PLEKHG2: variants seen among roughly 807,000 people sequenced by gnomAD.
PLEKHG2 encodes pleckstrin homology and RhoGEF domain containing G2.
In PLEKHG2, 71 loss-of-function variants were observed where a neutral mutation model predicts 104.4. The ratio of observed to expected loss-of-function variants is 0.68; its 90% confidence interval spans 0.56 to 0.83. The LOEUF (loss-of-function observed/expected upper bound fraction) is 0.83. Ranked by LOEUF, PLEKHG2 falls within the 40% of genes least tolerant of loss-of-function variation. PLEKHG2 has a pLI of 0.00. For synonymous variants in PLEKHG2, 728 were observed against 737.0 expected (o/e 0.99, Z 0.20); for missense variants, 1,730 against 1,809.4 (o/e 0.96, Z 0.80).
At chr19:39,417,436 AGCCACTGC>A in intron 7 of PLEKHG2, 111 bp from the exon 8 acceptor site, 1 of 1,299,046 alleles carries the variant, frequency 7.7e-7, no homozygotes, top group South Asian at 1.5e-5. Flanking sequence ...TACAGACATG[AGCCACTGC>A]GCCTGGCCTC....
In PLEKHG2 at chr19:39,416,475, A is replaced by G; in HGVS notation, c.546+61A>G. ...GGGGCCTTTGTAGAGGGGGGAGAGC[A>G]GGCTTGGGCTAGGCTGGAAGGGGGG... is the stretch of plus-strand genomic sequence containing the variant. On this transcript the variant is annotated intron_variant, in intron 5 of 18. Transcript: ENST00000425673. This position sits in a 1 kb window ranked among gnomAD's most constrained non-coding sequence, Gnocchi z 4.5. 6.3e-7 allele frequency: 1 copy of G among 1,599,638 alleles called. No homozygotes were observed.
intron 8 of PLEKHG2, 71 bp from the exon 9 acceptor site, chr19:39,417,834 T>C: frequency 6.7e-7 from 1 of 1,498,630 alleles, no homozygotes; most frequent in Non-Finnish European, 8.9e-7. Flanking sequence ...CCCCCTGTTT[T>C]GGTGTGTATG....
chr19:39,420,052 T>C (rs938106050), intron 11 of PLEKHG2, among the ~76,000 whole-genome samples: 6 of 150,316 alleles, frequency 4.0e-5, no homozygotes, highest in African/African-American at 1.5e-4. Flanking sequence ...AAACTCCGTC[T>C]CAAAAAAATA....
intron 15 of PLEKHG2, 42 bp from the exon 16 acceptor site, chr19:39,421,241 A>G: frequency 1.2e-6 from 2 of 1,613,452 alleles, no homozygotes; most frequent in East Asian, 2.2e-5. Context: ...TTTCCCTTAC[A>G]TCTCACTAAT....
chr19:39,422,632 G>A lies in PLEKHG2; in HGVS notation c.1678-100G>A, dbSNP rs181815444. On this transcript the variant is annotated intron_variant, in intron 17 of 18. Coordinates refer to ENST00000425673, the MANE Select transcript of PLEKHG2 (RefSeq NM_022835.3). ...TCGAACTCGTAACCTCAAGTGACCC[G>A]CCCACTTCAGCCTCCCAAAGTGCTG... 28 of 1,410,602 alleles carry A rather than the reference G, an allele frequency of 2.0e-5. No homozygotes were observed. The East Asian group carries it at 4.7e-4, about 24-fold the overall frequency. The allele number at this position is 1,410,602 out of a possible 1,614,324, so 87.4% of individuals were successfully genotyped here. A position where few individuals can be genotyped will look rare whatever the true frequency, so the allele number is the denominator to read the frequency against.
Position 39,425,337 on chromosome 19 carries a change from T to A in PLEKHG2, c.*43T>A. On this transcript the variant is annotated 3_prime_UTR_variant, in exon 19 of 19. Transcript: ENST00000425673. ...CCCTGAAGCAAGGATTTCAGCCAGA[T>A]GCCATAGACCCTCAGAACTTGACCT... is the stretch of plus-strand genomic sequence containing the variant. The A allele has an allele frequency of 6.3e-7, 1 of 1,577,866 alleles. No individual in the cohort carries two copies. The highest frequency in any genetic ancestry group is 8.6e-7 in the Non-Finnish European group (1 of 1,165,396).
Position 39,415,112 on chromosome 19 carries a change from C to T in PLEKHG2, c.230C>T (p.Pro77Leu). The T allele has an allele frequency of 6.3e-7, 1 of 1,597,094 alleles. No homozygotes were observed. Among genetic ancestry groups the T allele is most frequent in the South Asian group, 1.1e-5 (1 of 88,486 alleles). The part of the protein sequence containing the change: ...GPTPACSASR[P>L]EPLPGPPIRL... ...ACTCCAGCCTGCTCAGCCTCCAGGCCAGAGCCCCTTCCAGGGCCTCCCATC... is the reference window on the plus strand; with the variant it reads ...ACTCCAGCCTGCTCAGCCTCCAGGCTAGAGCCCCTTCCAGGGCCTCCCATC... The change falls in exon 3 of 19, where the codon CCA (proline) becomes CTA (leucine). Residue 77 changes from proline to leucine, a missense_variant. Physicochemically the swap from Pro to Leu is moderately conservative, Grantham distance 98. Transcript: ENST00000425673. This position sits in a 1 kb window ranked among gnomAD's most constrained non-coding sequence, Gnocchi z 4.6.
Position 39,415,026 on chromosome 19 carries a change from T to C in PLEKHG2, c.144T>C (p.Gly48=). 1 of 1,598,254 alleles carries C rather than the reference T, an allele frequency of 6.3e-7. No individual in the cohort carries two copies. Among genetic ancestry groups the C allele is most frequent in the Non-Finnish European group, 8.5e-7 (1 of 1,171,468 alleles). ...PAAPTMASPR[G]SGSSTSLSTV... is the part of the protein sequence containing the mutation. ...CCCCCACCATGGCCTCCCCCCGAGG[T>C]TCTGGGAGCTCCACATCCCTGAGCA... Residue 48 remains glycine, a synonymous_variant, in exon 3 of 19, where the codon GGT becomes GGC. Coordinates refer to ENST00000425673, the MANE Select transcript of PLEKHG2 (RefSeq NM_022835.3). This position sits in a 1 kb window ranked among gnomAD's most constrained non-coding sequence, Gnocchi z 4.6.
At chr19:39,419,073 C>T (rs2078656208) in intron 11 of PLEKHG2, 70 bp downstream of exon 11, 6 of 1,370,092 alleles carry the variant, frequency 4.4e-6, no homozygotes, top group East Asian at 2.3e-5. Context: ...TACTAAGAGA[C>T]GCCCCTGCCC....
Position 39,418,911 on chromosome 19 carries a change from T to A in PLEKHG2, c.1177-6T>A, listed in dbSNP as rs556619922. ...GCCCCCTGACTCTACTCCAACCCAC[T>A]CCTAGGCCAAGAACCAAGAAGAGAA... On this transcript the variant is annotated splice_polypyrimidine_tract_variant and splice_region_variant and intron_variant, in intron 10 of 18. Coordinates refer to ENST00000425673, the MANE Select transcript of PLEKHG2 (RefSeq NM_022835.3). The A allele has an allele frequency of 2.1e-5, 34 of 1,609,810 alleles. No homozygotes were observed. Among genetic ancestry groups the A allele is most frequent in the South Asian group, 2.1e-4 (19 of 90,482 alleles).
At position 39,423,624 on chromosome 19, in the gene PLEKHG2, CCT is replaced by C. The variant is rs761837538; in HGVS notation, c.2571_2572del (p.Cys858SerfsTer21). On this transcript the variant is annotated frameshift_variant, in exon 18 of 19. Coordinates refer to ENST00000425673, the MANE Select transcript of PLEKHG2 (RefSeq NM_022835.3). LOFTEE classifies it low-confidence loss of function (END_TRUNC). ...GTTCTGGCCCAACCCCAGCCATCCC[CCT>C]GTCTGCCCCAGGAGCAGGCAGAGCC... 68 of 1,535,208 alleles carry C rather than the reference CCT, an allele frequency of 4.4e-5. No individual in the cohort carries two copies. The highest frequency in any genetic ancestry group is 5.7e-5 in the Non-Finnish European group (65 of 1,142,658).
At chr19:39,418,212 C>T in intron 9 of PLEKHG2, 107 bp downstream of exon 9, 3 of 1,020,238 alleles carry the variant, frequency 2.9e-6, no homozygotes, top group South Asian at 6.2e-5. Flanking sequence ...GCCACATTTT[C>T]TTGAGTTAGA....
rs545224016 is a variant in PLEKHG2, at chr19:39,428,052, A to T, written c.*2758A>T. ...GTGAAATCCCGTCTTTACTAAAAATACAAAAAATTAGCTGGGCGTGGTGGT... is the reference window on the plus strand; with the variant it reads ...GTGAAATCCCGTCTTTACTAAAAATTCAAAAAATTAGCTGGGCGTGGTGGT... On this transcript the variant is annotated 3_prime_UTR_variant, in exon 19 of 19. Transcript: ENST00000425673. The T allele has an allele frequency of 6.6e-6, 1 of 152,310 alleles. No homozygotes were observed. Among genetic ancestry groups the T allele is most frequent in the Admixed American group, 6.5e-5 (1 of 15,288 alleles). The allele number at this position is 152,310 out of a possible 1,614,324, so 9.4% of individuals were successfully genotyped here. A position where few individuals can be genotyped will look rare whatever the true frequency, so the allele number is the denominator to read the frequency against.
chr19:39,416,865 C>A lies in PLEKHG2; in HGVS notation c.609C>A (p.Leu203=), dbSNP rs758082014. 9.3e-6 allele frequency: 15 copies of A among 1,608,398 alleles called. No homozygotes were observed. The highest frequency in any genetic ancestry group is 1.3e-5 in the African/African-American group (1 of 74,916). Residue 203 remains leucine (L), a synonymous_variant, in exon 7 of 19, where the codon CTC becomes CTA. Coordinates refer to ENST00000425673, the MANE Select transcript of PLEKHG2 (RefSeq NM_022835.3). This position sits in a 1 kb window ranked among gnomAD's most constrained non-coding sequence, Gnocchi z 4.5. The stretch of plus-strand genomic sequence containing the variant: ...GTGCCCCCAGCTCCCTGGCCCTGCT[C>A]CGGGAGCTGTCGTTGTCTCCGCCAG... The part of the protein sequence containing the change: ...CMNYPSSLAL[L]RELSLSPPAA...
chr19:39,415,405 T>C lies in PLEKHG2; in HGVS notation c.445T>C (p.Phe149Leu). 1 of 1,614,050 alleles carries C rather than the reference T, an allele frequency of 6.2e-7. No homozygotes were observed. Among genetic ancestry groups the C allele is most frequent in the Non-Finnish European group, 8.5e-7 (1 of 1,180,000 alleles). Residue 149 changes from phenylalanine to leucine, a missense_variant, in exon 4 of 19, where the codon TTT (phenylalanine) becomes CTT (leucine). Transcript: ENST00000425673. The surrounding 1 kb of genome is among the most constrained non-coding windows in gnomAD (Gnocchi z 4.6). The part of the protein sequence containing the change: ...GLSVEQVGTL[F>L]ANIEDIYEFS... ...GAGCGTGGAGCAGGTGGGCACGCTG[T>C]TTGCCAACATTGAGGACATCTACGA...
chr19:39,424,100 T>C lies in PLEKHG2; in HGVS notation c.2967T>C (p.Pro989=). 1 of 1,613,982 alleles carries C rather than the reference T, an allele frequency of 6.2e-7. No homozygotes were observed. Among genetic ancestry groups the C allele is most frequent in the Middle Eastern group, 1.7e-4 (1 of 6,060 alleles). Residue 989 remains proline (P), a synonymous_variant, in exon 19 of 19, where the codon CCT becomes CCC. Transcript: ENST00000425673. ...EIQVPATTPL[P]EHRSHMVIPA... The stretch of plus-strand genomic sequence containing the variant: ...AAGTTCCAGCCACCACTCCTTTGCC[T>C]GAGCATAGAAGTCACATGGTTATAC...
At position 39,423,586 on chromosome 19, in the gene PLEKHG2, C is replaced by T. The variant is rs1454891565; in HGVS notation, c.2532C>T (p.Arg844=). The T allele has an allele frequency of 2.0e-6, 3 of 1,533,166 alleles. No individual in the cohort carries two copies. The highest frequency in any genetic ancestry group is 2.6e-6 in the Non-Finnish European group (3 of 1,141,056). 95.0% of individuals were successfully genotyped at this position (1,533,166 alleles called of 1,614,324 possible). Residue 844 remains arginine (R), a synonymous_variant, in exon 18 of 19, where the codon CGC becomes CGT. Coordinates refer to ENST00000425673, the MANE Select transcript of PLEKHG2 (RefSeq NM_022835.3). The part of the protein sequence containing the change: ...AETRASANAP[R]RRPRVLAQPQ... ...CTCGGGCATCAGCCAATGCCCCGCG[C>T]CGCCGGCCTCGGGTTCTGGCCCAAC...
Position 39,415,248 on chromosome 19 carries a change from C to G in PLEKHG2, c.366C>G (p.Arg122=), listed in dbSNP as rs764040622. 41 of 1,590,386 alleles carry G rather than the reference C, an allele frequency of 2.6e-5. 1 individual carries two copies. In the Admixed American group the frequency reaches 7.3e-4, roughly 28 times the overall value. The part of the protein sequence containing the change: ...ETERAYVRDL[R]SIVEDYLGPL... ...AACGGGCCTATGTCAGGGACCTCCG[C>G]AGCATCGTGGAGGTAAGGCGGGCAG... The change falls in exon 3 of 19, where the codon CGC becomes CGG. Residue 122 remains arginine, a synonymous_variant. Coordinates refer to ENST00000425673, the MANE Select transcript of PLEKHG2 (RefSeq NM_022835.3). The surrounding 1 kb of genome is among the most constrained non-coding windows in gnomAD (Gnocchi z 4.6).
rs749243338 is a variant in PLEKHG2, at chr19:39,420,612, C to T, written c.1264-14C>T. 9 of 1,614,040 alleles carry T rather than the reference C, an allele frequency of 5.6e-6. No individual in the cohort carries two copies. Among genetic ancestry groups the T allele is most frequent in the South Asian group, 2.2e-5 (2 of 91,080 alleles). On this transcript the variant is annotated splice_polypyrimidine_tract_variant and intron_variant, in intron 11 of 18. Transcript: ENST00000425673. ...AGATCGACCCACCTCAGCCCTCATC[C>T]TCCTGTCTTTCAGGCAAAGCAAGTT... is the stretch of plus-strand genomic sequence containing the variant.
Sources: allele counts gnomAD v4.1 joint callset (sites outside exome capture counted in the v4.1 genomes callset), GRCh38; gene constraint gnomAD v4.1.1; non-coding constraint Gnocchi (gnomAD v3.1); transcripts MANE v1.5; gene names NCBI Gene and HGNC (gene_info 2026-07-23, HGNC 2026-07-21).